Variants in NAPB observed in about 807,000 individuals in gnomAD.
The protein encoded by NAPB is NSF attachment protein beta, also known as beta-soluble NSF attachment protein.
A neutral mutation model predicts 44.7 loss-of-function variants in NAPB; 26 were observed. The observed-to-expected ratio is 0.58, with a 90% CI of 0.43 to 0.81. NAPB has a LOEUF of 0.81. NAPB is among the 30% of genes least tolerant of loss of function. NAPB has a pLI of 0.00. For synonymous variants in NAPB, 120 were observed against 116.8 expected (o/e 1.03, Z -0.18); for missense variants, 315 against 356.4 (o/e 0.88, Z 0.94).
At chr20:23,405,707 C>G (rs1985205074) in intron 1 of NAPB, among the ~76,000 whole-genome samples, 1 of 152,064 alleles carries the variant, frequency 6.6e-6, no homozygotes, top group Non-Finnish European at 1.5e-5. Context: ...CTGGGTGACA[C>G]AGAGACTCCG....
At chr20:23,415,370 C>CG (rs1555793776) in intron 1 of NAPB, among the ~76,000 whole-genome samples, 1 of 151,952 alleles carries the variant, frequency 6.6e-6, no homozygotes, top group Non-Finnish European at 1.5e-5. Context: ...CCGAGGTGGA[C>CG]GGATCATGAG....
At position 23,407,047 on chromosome 20, in the gene NAPB, G is replaced by T. The variant is rs538839874; in HGVS notation, c.99-3975C>A. 3.3e-5 allele frequency among the ~76,000 whole-genome samples: 5 copies of T among 152,258 alleles called. No individual in the cohort carries two copies. In the East Asian group the frequency reaches 9.7e-4, roughly 29 times the overall value. On this transcript the variant is annotated intron_variant, in intron 1 of 10. Transcript: ENST00000377026. ...GGCTTATCCAAGGCTACCCAGCCAA[G>T]GTCAGTAGTGTACCTGACACTTGAC...
At chr20:23,389,800 T>C (rs1600570945) in intron 7 of NAPB, 146 bp downstream of exon 7, 2 of 640,254 alleles carry the variant, frequency 3.1e-6, no homozygotes, top group African/African-American at 1.8e-5. Flanking sequence ...GTGATAGTTA[T>C]ACAACTTTGT....
intron 1 of NAPB, among the ~76,000 whole-genome samples, chr20:23,404,690 T>C (rs951159637): frequency 6.6e-6 from 1 of 152,348 alleles, no homozygotes; most frequent in Non-Finnish European, 1.5e-5. Context: ...ATGGTTATCA[T>C]ATCTAGATCC....
At chr20:23,400,354 T>C (rs1016185136) in intron 2 of NAPB, among the ~76,000 whole-genome samples, 2 of 152,048 alleles carry the variant, frequency 1.3e-5, no homozygotes, top group Non-Finnish European at 2.9e-5. Flanking sequence ...CCATCTCTAC[T>C]AAAAATACAA....
chr20:23,380,246 C>T (rs1982888519), intron 8 of NAPB, among the ~76,000 whole-genome samples: 1 of 152,228 alleles, frequency 6.6e-6, no homozygotes, highest in South Asian at 2.1e-4. Flanking sequence ...GTTCTTAATA[C>T]AGTCCAGATT....
At chr20:23,391,584 C>G (rs1342397197) in intron 5 of NAPB, among the ~76,000 whole-genome samples, 1 of 152,186 alleles carries the variant, frequency 6.6e-6, no homozygotes, top group Non-Finnish European at 1.5e-5. Context: ...TTTTCTCTAA[C>G]AGGTCAGACA....
At chr20:23,381,392 C>G in intron 7 of NAPB, 75 bp from the exon 8 acceptor site, 1 of 869,248 alleles carries the variant, frequency 1.2e-6, no homozygotes. Flanking sequence ...CATCTGTTGT[C>G]CTTTAGAAAA....
chr20:23,382,903 C>G (rs543257113), intron 7 of NAPB, among the ~76,000 whole-genome samples: 1 of 152,098 alleles, frequency 6.6e-6, no homozygotes, highest in African/African-American at 2.4e-5. Context: ...GCCTGTAATC[C>G]CAGCACTGTG....
chr20:23,378,815 A>ATTTTTTTTTTTTTTT (rs151308263), intron 10 of NAPB: 1 of 125,500 alleles, frequency 8.0e-6, no homozygotes, highest in Non-Finnish European at 1.6e-5. Flanking sequence ...ATTATATTTA[A>ATTTTTTTTTTTTTTT]TTTTTTTTTT....
intron 1 of NAPB, among the ~76,000 whole-genome samples, chr20:23,418,560 C>T (rs1320828119): frequency 6.6e-6 from 1 of 152,182 alleles, no homozygotes; most frequent in Non-Finnish European, 1.5e-5. Flanking sequence ...GCAAGTATTA[C>T]TGGAAATAAC....
intron 7 of NAPB, among the ~76,000 whole-genome samples, chr20:23,383,700 G>C (rs1056024526): frequency 6.6e-6 from 1 of 152,162 alleles, no homozygotes; most frequent in East Asian, 1.9e-4. Flanking sequence ...ACAAAAGGAG[G>C]TTCTCTAAAT....
At chr20:23,419,874 T>C (rs758444839) in intron 1 of NAPB, among the ~76,000 whole-genome samples, 1 of 152,240 alleles carries the variant, frequency 6.6e-6, no homozygotes, top group African/African-American at 2.4e-5. Flanking sequence ...TGCATGCAAC[T>C]TGTCCTTAAG....
chr20:23,394,790 C>T, intron 5 of NAPB, 132 bp downstream of exon 5: 1 of 804,994 alleles, frequency 1.2e-6, no homozygotes, highest in Non-Finnish European at 2.0e-6. Flanking sequence ...GTAGACTTTG[C>T]CAGAAAGTCT....
chr20:23,418,317 A>G (rs1986143503), intron 1 of NAPB, among the ~76,000 whole-genome samples: 1 of 152,244 alleles, frequency 6.6e-6, no homozygotes, highest in African/African-American at 2.4e-5. Context: ...GAAAATGGTG[A>G]CATTCTATAG....
intron 3 of NAPB, among the ~76,000 whole-genome samples, chr20:23,396,106 A>C (rs957096009): frequency 5.3e-5 from 8 of 152,358 alleles, no homozygotes; most frequent in Admixed American, 1.3e-4. Context: ...TTTATTAGAC[A>C]CATTTCTATA....
At chr20:23,416,801 C>T (rs1240350742) in intron 1 of NAPB, among the ~76,000 whole-genome samples, 6 of 152,108 alleles carry the variant, frequency 3.9e-5, no homozygotes, top group African/African-American at 1.2e-4. Flanking sequence ...TATCACATGG[C>T]CCCACCATAT....
chr20:23,392,270 C>T (rs1252123206), intron 5 of NAPB, among the ~76,000 whole-genome samples: 5 of 148,054 alleles, frequency 3.4e-5, no homozygotes, highest in Admixed American at 6.6e-5. Context: ...ATATTTTCTT[C>T]CAGAGAAATA....
chr20:23,379,744 G>A (rs1257891739), intron 9 of NAPB, 123 bp downstream of exon 9: 4 of 747,266 alleles, frequency 5.4e-6, no homozygotes, highest in African/African-American at 1.8e-5. Context: ...AAGCAGGAAA[G>A]TACCAGGGCC....
Sources: gnomAD v4.1 joint callset for allele counts (sites outside exome capture counted in the v4.1 genomes callset) on GRCh38, gnomAD v4.1.1 for gene constraint, MANE v1.5 for transcripts, NCBI Gene and HGNC (gene_info 2026-07-23, HGNC 2026-07-21) for gene names.